Variants in ITIH5 observed in about 807,000 individuals in gnomAD.
The protein encoded by ITIH5 is inter-alpha-trypsin inhibitor heavy chain H5.
In ITIH5, 65 loss-of-function variants were observed where a neutral mutation model predicts 77.5. The observed-to-expected ratio is 0.84, with a 90% CI of 0.69 to 1.03. The LOEUF is 1.03. Among genes scored for constraint, ITIH5 ranks in the 50% least tolerant of loss-of-function variants. The pLI, the probability that ITIH5 is intolerant of heterozygous loss-of-function variation, is 0.00. For synonymous variants in ITIH5, 525 were observed against 494.3 expected (o/e 1.06, Z -0.82); for missense variants, 1,208 against 1,213.1 (o/e 1.00, Z 0.06).
At chr10:7,624,814 CACATATATATGTGTAT>C in intron 5 of ITIH5, among the ~76,000 whole-genome samples, 1 of 115,412 alleles carries the variant, frequency 8.7e-6, no homozygotes, top group Non-Finnish European at 1.7e-5. Context: ...TATATATATA[CACATATATATGTGTAT>C]ATACATGTAT....
intron 11 of ITIH5, chr10:7,570,034 A>C (rs1322245000): frequency 2.6e-6 from 1 of 377,378 alleles, no homozygotes; most frequent in Non-Finnish European, 4.7e-6. Context: ...GCTCCTTTCA[A>C]CACACCTCAG....
Position 7,663,208 on chromosome 10 carries a change from G to A in ITIH5, c.90+3595C>T, listed in dbSNP as rs1588435652. 1.3e-5 allele frequency among the ~76,000 whole-genome samples: 2 copies of A among 152,336 alleles called. 1 individual carries two copies. Among genetic ancestry groups the A allele is most frequent in the South Asian group, 4.1e-4 (2 of 4,832 alleles). On this transcript the variant is annotated intron_variant, in intron 1 of 13. Coordinates refer to ENST00000397146, the MANE Select transcript of ITIH5 (RefSeq NM_030569.7). The stretch of plus-strand genomic sequence containing the variant: ...ATCCAGGCTTTGCACATAGTAGGTT[G>A]TTGCAGCTGTCACTTCTCAGAAAGG...
Position 7,616,010 on chromosome 10 carries a change from G to A in ITIH5, c.911C>T (p.Ala304Val), listed in dbSNP as rs1189964689. The A allele has an allele frequency of 6.2e-7, 1 of 1,611,586 alleles. No homozygotes were observed. Among genetic ancestry groups the A allele is most frequent in the East Asian group, 2.2e-5 (1 of 44,884 alleles). ...CCGGAGTTTGGTTCCCACCATAGAA[G>A]CACTGCTGTCAAGCACGAATACCAC... ...KNVVFVLDSS[A>V]SMVGTKLRQT... is the part of the protein sequence containing the mutation. The change falls in exon 7 of 14, where the codon GCT (alanine) becomes GTT (valine). Residue 304 changes from alanine (A) to valine (V), a missense_variant. Coordinates refer to ENST00000397146, the MANE Select transcript of ITIH5 (RefSeq NM_030569.7).
At chr10:7,606,800 G>A (rs115487056) in intron 7 of ITIH5, among the ~76,000 whole-genome samples, 145 of 152,250 alleles carry the variant, frequency 9.5e-4, no homozygotes, top group African/African-American at 3.4e-3. Flanking sequence ...CTTCATCCGG[G>A]TAAATCTTAA....
chr10:7,569,969 C>T (rs1832265042), intron 11 of ITIH5, 185 bp from the exon 12 acceptor site: 1 of 509,566 alleles, frequency 2.0e-6, no homozygotes, highest in Non-Finnish European at 3.4e-6. Context: ...CCCAGAATTA[C>T]CCAGTGAGTT....
intron 5 of ITIH5, among the ~76,000 whole-genome samples, chr10:7,629,530 C>T (rs1040818305): frequency 1.5e-5 from 2 of 131,710 alleles, no homozygotes; most frequent in African/African-American, 5.1e-5. Flanking sequence ...CGTGTTGCAG[C>T]GTGTGTCCGT....
Position 7,585,887 on chromosome 10 carries a change from G to C in ITIH5, c.1108+14C>G, listed in dbSNP as rs1010422907. On this transcript the variant is annotated intron_variant, in intron 8 of 13. Transcript: ENST00000397146. ...CAAAGCCAAGCCAATGTGAAAAGAA[G>C]GTGTCATCTTTACCTCCAGTGGGTG... 1.9e-6 allele frequency: 3 copies of C among 1,567,454 alleles called. No homozygotes were observed. The highest frequency in any genetic ancestry group is 1.4e-5 in the African/African-American group (1 of 72,874).
chr10:7,614,792 T>C (rs1158251075), intron 7 of ITIH5, among the ~76,000 whole-genome samples: 1 of 152,054 alleles, frequency 6.6e-6, no homozygotes, highest in Non-Finnish European at 1.5e-5. Context: ...AGTAGTAGAT[T>C]GAGATTGAGA....
intron 7 of ITIH5, 77 bp downstream of exon 7, chr10:7,615,905 G>A (rs1588401529): frequency 1.1e-5 from 10 of 904,114 alleles, no homozygotes; most frequent in Middle Eastern, 2.6e-4. Flanking sequence ...GGCATCTACC[G>A]AACTTTATTC....
chr10:7,635,739 C>A (rs1290743441), intron 5 of ITIH5, among the ~76,000 whole-genome samples: 2 of 152,132 alleles, frequency 1.3e-5, no homozygotes, highest in Admixed American at 1.3e-4. Flanking sequence ...GTTTGCCCCT[C>A]CATAGACCAC....
chr10:7,627,615 G>A (rs1055170905), intron 5 of ITIH5, among the ~76,000 whole-genome samples: 5 of 152,124 alleles, frequency 3.3e-5, no homozygotes, highest in Admixed American at 6.6e-5. Flanking sequence ...TTACACAGGA[G>A]TGATATGATT....
At chr10:7,576,430 T>C (rs781030102) in intron 10 of ITIH5, 23 bp downstream of exon 10, 48 of 1,526,856 alleles carry the variant, frequency 3.1e-5, no homozygotes, top group Non-Finnish European at 3.2e-5. Context: ...CCCCCACACC[T>C]GGCTGGCACA....
intron 2 of ITIH5, among the ~76,000 whole-genome samples, chr10:7,645,754 A>G (rs905099040): frequency 1.3e-5 from 2 of 152,190 alleles, no homozygotes; most frequent in African/African-American, 4.8e-5. Flanking sequence ...CTCTCCTCCA[A>G]AGCGATTAGG....
In ITIH5 at chr10:7,637,044, C is replaced by T. The variant is rs139307473; in HGVS notation, c.652+184G>A. On this transcript the variant is annotated intron_variant, in intron 5 of 13. Coordinates refer to ENST00000397146, the MANE Select transcript of ITIH5 (RefSeq NM_030569.7). ...CTAGCCTGGCGACAGAGGACTTCGT[C>T]TCAAAAAAAAAGAAAAAAAGTACCA... 4.3e-3 allele frequency among the ~76,000 whole-genome samples: 655 copies of T among 151,830 alleles called. 6 individuals carry two copies. The highest frequency in any genetic ancestry group is 0.015 in the African/African-American group (629 of 41,438).
intron 8 of ITIH5, among the ~76,000 whole-genome samples, chr10:7,584,306 T>A (rs1022298009): frequency 7.3e-6 from 1 of 136,858 alleles, no homozygotes; most frequent in Admixed American, 8.0e-5. Context: ...TTTCTTTTTT[T>A]TTTCTTTTTT....
At chr10:7,565,644 G>A (rs1256926809) in intron 13 of ITIH5, among the ~76,000 whole-genome samples, 1 of 147,308 alleles carries the variant, frequency 6.8e-6, no homozygotes, top group African/African-American at 2.5e-5. Flanking sequence ...TGTATAGACT[G>A]TATATATATA....
chr10:7,624,020 G>C (rs1376632967), intron 5 of ITIH5, among the ~76,000 whole-genome samples: 2 of 152,108 alleles, frequency 1.3e-5, no homozygotes, highest in East Asian at 1.9e-4. Flanking sequence ...TTATAGTTAA[G>C]TAGATGTTTG....
chr10:7,656,345 G>A (rs976367364), intron 1 of ITIH5, among the ~76,000 whole-genome samples: 3 of 152,124 alleles, frequency 2.0e-5, no homozygotes, highest in African/African-American at 7.2e-5. Context: ...CTCCCAAGCA[G>A]CTGGGACTAC....
chr10:7,641,356 A>G (rs1005087749), intron 3 of ITIH5, among the ~76,000 whole-genome samples: 10 of 152,028 alleles, frequency 6.6e-5, no homozygotes, highest in African/African-American at 2.4e-4. Flanking sequence ...CTGACTTGCC[A>G]TCTTTATCAT....
Sources: allele counts gnomAD v4.1 joint callset (sites outside exome capture counted in the v4.1 genomes callset), GRCh38; gene constraint gnomAD v4.1.1; transcripts MANE v1.5; gene names NCBI Gene and HGNC (gene_info 2026-07-23, HGNC 2026-07-21).